The following SETD5 variants were observed in gnomAD, a reference collection of about 807,000 sequenced individuals.
SETD5 encodes the protein histone-lysine N-methyltransferase SETD5.
In SETD5, 44 loss-of-function variants were observed where a neutral mutation model predicts 153.3. The ratio of observed to expected loss-of-function variants is 0.29; its 90% CI spans 0.23 to 0.37. The LOEUF is 0.37. SETD5 is among the 10% of genes least tolerant of loss of function. The probability of loss-of-function intolerance (pLI) is 1.00; values close to 1 mark genes in which losing one functional copy is unlikely to be tolerated. For synonymous variants in SETD5, 716 were observed against 645.2 expected, an observed-to-expected ratio of 1.11 and a Z score of -1.66; for missense variants, 1,544 against 1,768.0, an observed-to-expected ratio of 0.87 and a Z score of 2.27.
chr3:9,437,522 CGTGTGT>C lies in SETD5; in HGVS notation c.567+1639_567+1644del, dbSNP rs6147703. On this transcript the variant is annotated intron_variant, in intron 7 of 22. Coordinates refer to ENST00000402198, the MANE Select transcript of SETD5 (RefSeq NM_001080517.3). ...TTATGCTGTCTGGTATCCTCCTTTACGTGTGTGTGTGTGTGTGTGTGTGTGTGTATA... is the reference window on the plus strand; with the variant it reads ...TTATGCTGTCTGGTATCCTCCTTTACGTGTGTGTGTGTGTGTGTGTGTATA... Among the ~76,000 whole-genome samples, 21 of 145,124 alleles carry C rather than the reference CGTGTGT, an allele frequency of 1.4e-4. No homozygotes were observed. In the South Asian group the frequency reaches 2.0e-3, roughly 14 times the overall value.
intron 1 of SETD5, among the ~76,000 whole-genome samples, chr3:9,400,840 C>T (rs185848256): frequency 3.9e-5 from 6 of 152,196 alleles, no homozygotes; most frequent in Admixed American, 6.5e-5. Flanking sequence ...TCCCCCACAA[C>T]TCCTGAACAT....
chr3:9,469,788 T>C (rs955683775), intron 18 of SETD5, among the ~76,000 whole-genome samples: 1 of 152,198 alleles, frequency 6.6e-6, no homozygotes, highest in Non-Finnish European at 1.5e-5. Context: ...TCTGCAGTGA[T>C]GAGCATTAGT....
chr3:9,443,351 A>G lies in SETD5; in HGVS notation c.1121A>G (p.Tyr374Cys), dbSNP rs2041539925. The G allele has an allele frequency of 6.5e-7, 1 of 1,531,972 alleles. No homozygotes were observed. The highest frequency in any genetic ancestry group is 8.8e-7 in the Non-Finnish European group (1 of 1,140,070). The allele number at this position is 1,531,972 out of a possible 1,614,324, so 94.9% of individuals were successfully genotyped here. Residue 374 changes from tyrosine to cysteine, a missense_variant, in exon 11 of 23, where the codon TAT (tyrosine) becomes TGT (cysteine). This residue lies in a region of SETD5 where 46 missense variants were observed against 111.8 expected (regional missense o/e 0.41). Coordinates refer to ENST00000402198, the MANE Select transcript of SETD5 (RefSeq NM_001080517.3). ...GATGGGATGATTCACCTGTGCATCT[A>G]TGCTGTGTCTGCCATCACCAAGGAT... ...IADGMIHLCI[Y>C]AVSAITKDAE...
In SETD5 at chr3:9,434,625, C is replaced by T; in HGVS notation, c.329+140C>T. 2.0e-6 allele frequency: 3 copies of T among 1,483,060 alleles called. No homozygotes were observed. Among genetic ancestry groups the T allele is most frequent in the Non-Finnish European group, 2.7e-6 (3 of 1,116,846 alleles). The allele number at this position is 1,483,060 out of a possible 1,614,324, so 91.9% of individuals were successfully genotyped here. A position where few individuals can be genotyped will look rare whatever the true frequency, so the allele number is the denominator to read the frequency against. On this transcript the variant is annotated intron_variant, in intron 5 of 22. Transcript: ENST00000402198. This position sits in a 1 kb window ranked among gnomAD's most constrained non-coding sequence, Gnocchi z 5.6. ...AGTGCTCCTTGGCTCGAATTCTCTG[C>T]ACTAGGTGAGAATTGCTGACAACAA...
intron 1 of SETD5, 76 bp from the exon 2 acceptor site, chr3:9,424,391 T>C (rs1377335788): frequency 1.3e-5 from 2 of 152,168 alleles, no homozygotes; most frequent in African/African-American, 4.8e-5. Flanking sequence ...AAACATAATA[T>C]AGCTGTAGAA....
chr3:9,435,962 G>T, intron 7 of SETD5, 56 bp downstream of exon 7: 1 of 1,457,668 alleles, frequency 6.9e-7, no homozygotes, highest in South Asian at 1.4e-5. Flanking sequence ...TTAAATTTTG[G>T]AGCAAGAATG....
At position 9,448,584 on chromosome 3, in the gene SETD5, G is replaced by A. The variant is rs773868514; in HGVS notation, c.2300G>A (p.Arg767His). ...GGCTCACCCTTTATCCCTGAGAGAC[G>A]TCGAAGGCCCCTTCTGCCTGATGGC... ...RFGSPFIPERRRRPLLPDGTF... is the reference protein window; with the variant it reads ...RFGSPFIPERHRRPLLPDGTF... The change falls in exon 16 of 23, where the codon CGT (arginine) becomes CAT (histidine). Residue 767 changes from arginine to histidine, a missense_variant. By Grantham distance (29) the Arg-to-His change is conservative. This residue lies in a region of SETD5 where 782 missense variants were observed against 787.2 expected (regional missense o/e 0.99). Coordinates refer to ENST00000402198, the MANE Select transcript of SETD5 (RefSeq NM_001080517.3). The A allele has an allele frequency of 9.9e-6, 16 of 1,609,530 alleles. No homozygotes were observed. Among genetic ancestry groups the A allele is most frequent in the Admixed American group, 1.7e-5 (1 of 59,760 alleles).
intron 18 of SETD5, chr3:9,468,690 G>A: frequency 1.1e-6 from 1 of 893,780 alleles, no homozygotes; most frequent in Non-Finnish European, 1.6e-6. Flanking sequence ...ATGGGCTGGA[G>A]GGCGGCCACT....
rs767242443 is a variant in SETD5 at position 9,445,784 on chromosome 3, A to G, written c.1524+44A>G. The G allele has an allele frequency of 3.0e-5, 42 of 1,408,790 alleles. 1 individual carries two copies. Among genetic ancestry groups the G allele is most frequent in the African/African-American group, 1.6e-4 (11 of 69,784 alleles). 87.3% of individuals were successfully genotyped at this position (1,408,790 alleles called of 1,614,324 possible). A position where few individuals can be genotyped will look rare whatever the true frequency, so the allele number is the denominator to read the frequency against. On this transcript the variant is annotated intron_variant, in intron 13 of 22. Coordinates refer to ENST00000402198, the MANE Select transcript of SETD5 (RefSeq NM_001080517.3). Reference sequence around the variant, plus strand: ...TACTTTGCTCCTTCTCATTCCTGCTACCTCCATCATGTGAACCTCTTCTGT... The same window carrying G: ...TACTTTGCTCCTTCTCATTCCTGCTGCCTCCATCATGTGAACCTCTTCTGT...
At chr3:9,475,441 A>T in intron 22 of SETD5, 42 bp from the exon 23 acceptor site, 1 of 1,572,864 alleles carries the variant, frequency 6.4e-7, no homozygotes, top group African/African-American at 1.4e-5. Context: ...CATTTAAGGG[A>T]CTTGTTCGCG....
At position 9,470,907 on chromosome 3, in the gene SETD5, A is replaced by C; in HGVS notation, c.3173A>C (p.Gln1058Pro). ...RACEGVPSAP[Q>P]NPPQRKKVSL... is the part of the protein sequence containing the mutation. Reference sequence around the variant, plus strand: ...TGTGAAGGAGTCCCATCTGCCCCCCAGAACCCACCACAGAGGAAAAAAGTA... The same window carrying C: ...TGTGAAGGAGTCCCATCTGCCCCCCCGAACCCACCACAGAGGAAAAAAGTA... Residue 1058 changes from glutamine to proline, a missense_variant, in exon 19 of 23, where the codon CAG becomes CCG. Coordinates refer to ENST00000402198, the MANE Select transcript of SETD5 (RefSeq NM_001080517.3). 6.3e-7 allele frequency: 1 copy of C among 1,595,088 alleles called. No homozygotes were observed. Among genetic ancestry groups the C allele is most frequent in the Non-Finnish European group, 8.6e-7 (1 of 1,168,734 alleles).
intron 7 of SETD5, among the ~76,000 whole-genome samples, chr3:9,437,986 G>C (rs2040790264): frequency 6.8e-6 from 1 of 148,104 alleles, no homozygotes; most frequent in South Asian, 2.1e-4. Context: ...CTGGGCAACA[G>C]AGCAAGACTC....
At chr3:9,413,141 T>TA (rs1457494696) in intron 1 of SETD5, among the ~76,000 whole-genome samples, 1 of 152,206 alleles carries the variant, frequency 6.6e-6, no homozygotes, top group East Asian at 1.9e-4. Flanking sequence ...TCCCTGTTGA[T>TA]ACTGCTTGCC....
chr3:9,457,681 T>A (rs1326515447), intron 17 of SETD5, among the ~76,000 whole-genome samples: 1 of 150,322 alleles, frequency 6.7e-6, no homozygotes, highest in East Asian at 1.9e-4. Flanking sequence ...TAGTTGGGTA[T>A]ATGGAGTAAA....
intron 18 of SETD5, among the ~76,000 whole-genome samples, chr3:9,469,384 G>T (rs2045030390): frequency 6.6e-6 from 1 of 152,168 alleles, no homozygotes; most frequent in Non-Finnish European, 1.5e-5. Context: ...TTCTCTTGAA[G>T]AGAAAGTTAG....
chr3:9,465,419 T>G lies in SETD5; in HGVS notation c.2724+747T>G, dbSNP rs546592324. ...GTATACTTTTTTAAAACACTTCATC[T>G]ATTGCATGTTACTTTGATTTGTAAT... On this transcript the variant is annotated intron_variant, in intron 18 of 22. Transcript: ENST00000402198. Among the ~76,000 whole-genome samples, 3 of 152,360 alleles carry G rather than the reference T, an allele frequency of 2.0e-5. No homozygotes were observed. In the South Asian group the frequency reaches 6.2e-4, roughly 32 times the overall value.
rs986516966 is a variant in SETD5, at chr3:9,433,300, T to G, written c.72-545T>G. ...TTATTACTCTAATATTTGAAAGGTG[T>G]TGGGGGTTCATCAAGATGAGAGGTA... On this transcript the variant is annotated intron_variant, in intron 3 of 22. Coordinates refer to ENST00000402198, the MANE Select transcript of SETD5 (RefSeq NM_001080517.3). The G allele has an allele frequency of 6.6e-6, 7 of 1,064,182 alleles. No homozygotes were observed. The African/African-American group carries it at 8.2e-5, about 12-fold the overall frequency. 65.9% of individuals were successfully genotyped at this position (1,064,182 alleles called of 1,614,324 possible). A position where few individuals can be genotyped will look rare whatever the true frequency, so the allele number is the denominator to read the frequency against.
chr3:9,433,349 T>A, intron 3 of SETD5: 1 of 1,288,196 alleles, frequency 7.8e-7, no homozygotes, highest in Non-Finnish European at 1.0e-6. Context: ...ATGCCATTGT[T>A]TTTACCTGTA....
At chr3:9,427,773 T>C (rs1247242208) in intron 2 of SETD5, among the ~76,000 whole-genome samples, 1 of 152,216 alleles carries the variant, frequency 6.6e-6, no homozygotes, top group African/African-American at 2.4e-5. Flanking sequence ...AAATGCTTTT[T>C]GTTTCATCCT....
Sources: allele counts gnomAD v4.1 joint callset (sites outside exome capture counted in the v4.1 genomes callset), GRCh38; gene constraint gnomAD v4.1.1; regional missense constraint gnomAD v4.1.1; non-coding constraint Gnocchi (gnomAD v3.1); transcripts MANE v1.5; gene names NCBI Gene and HGNC (gene_info 2026-07-23, HGNC 2026-07-21).